Variants in DEPDC5 observed in about 807,000 individuals in gnomAD.
DEPDC5 encodes the protein GATOR1 complex protein DEPDC5.
Under a neutral mutation model 217.3 loss-of-function variants are expected in DEPDC5, and 73 were observed. The ratio of observed to expected loss-of-function variants is 0.34; its 90% CI spans 0.28 to 0.41. The LOEUF (loss-of-function observed/expected upper bound fraction) is 0.41. Among genes scored for constraint, DEPDC5 ranks in the 10% least tolerant of loss-of-function variants. The pLI, the probability that DEPDC5 is intolerant of heterozygous loss-of-function variation, is 1.00. For missense variants in DEPDC5, 1,675 were observed against 2,070.1 expected, an observed-to-expected ratio of 0.81 and a Z score of 3.70; for synonymous variants, 733 against 756.7, an observed-to-expected ratio of 0.97 and a Z score of 0.51.
intron 25 of DEPDC5, among the ~76,000 whole-genome samples, chr22:31,835,028 C>T (rs1015788752): frequency 6.6e-6 from 1 of 152,166 alleles, no homozygotes; most frequent in Non-Finnish European, 1.5e-5. Flanking sequence ...CATGGTGGCT[C>T]ATGCCAGTAA....
chr22:31,845,586 C>T (rs2091680647), intron 30 of DEPDC5, among the ~76,000 whole-genome samples: 1 of 152,138 alleles, frequency 6.6e-6, no homozygotes, highest in Non-Finnish European at 1.5e-5. Context: ...AGCAGCAGTC[C>T]TTCCTCACTC....
chr22:31,855,327 A>G (rs1208022159), intron 31 of DEPDC5, among the ~76,000 whole-genome samples: 1 of 151,776 alleles, frequency 6.6e-6, no homozygotes, highest in Non-Finnish European at 1.5e-5. Context: ...TCTTTTAGAG[A>G]TACTGAAATG....
intron 31 of DEPDC5, among the ~76,000 whole-genome samples, chr22:31,848,865 C>T (rs999985532): frequency 1.2e-4 from 19 of 152,116 alleles, no homozygotes; most frequent in East Asian, 1.9e-4. Context: ...AAATTTCTTC[C>T]GCCAGATACC....
At chr22:31,833,798 T>G in intron 24 of DEPDC5, 117 bp from the exon 25 acceptor site, 4 of 766,696 alleles carry the variant, frequency 5.2e-6, no homozygotes, top group Non-Finnish European at 8.3e-6. Flanking sequence ...AGCACAGAAT[T>G]TGCACTTGGT....
At chr22:31,756,365 A>G (rs1422905129) in intron 2 of DEPDC5, among the ~76,000 whole-genome samples, 7 of 152,188 alleles carry the variant, frequency 4.6e-5, no homozygotes, top group Non-Finnish European at 1.0e-4. Context: ...GTGCTCAATA[A>G]ATGTAGCCAT....
intron 38 of DEPDC5, among the ~76,000 whole-genome samples, chr22:31,880,414 T>C (rs1009284667): frequency 1.3e-5 from 2 of 152,182 alleles, no homozygotes; most frequent in African/African-American, 4.8e-5. Flanking sequence ...ATACCTGCTC[T>C]GGGCAAAGAC....
At chr22:31,843,544 A>T in intron 28 of DEPDC5, 101 bp from the exon 29 acceptor site, 1 of 1,395,990 alleles carries the variant, frequency 7.2e-7, no homozygotes. Context: ...TGAGGGGTAA[A>T]TGTCAAGGAT....
At chr22:31,762,348 T>C (rs1408184323) in intron 4 of DEPDC5, among the ~76,000 whole-genome samples, 2 of 152,268 alleles carry the variant, frequency 1.3e-5, no homozygotes, top group Non-Finnish European at 2.9e-5. Flanking sequence ...ATTCAAATCC[T>C]TTCTTTTTCC....
At chr22:31,859,932 C>G (rs2092451292) in intron 32 of DEPDC5, among the ~76,000 whole-genome samples, 1 of 152,226 alleles carries the variant, frequency 6.6e-6, no homozygotes, top group Admixed American at 6.5e-5. Flanking sequence ...AGAAGGGACA[C>G]AGTGGAACAA....
In DEPDC5 at chr22:31,814,979, T is replaced by C. The variant is rs765992258; in HGVS notation, c.1446-13T>C. On this transcript the variant is annotated splice_polypyrimidine_tract_variant and intron_variant, in intron 20 of 42. Transcript: ENST00000651528. ...CCTCGCTTGATGGTAACTTTTTGTC[T>C]CTTGCCTGGCAGATCTGTGCGAGAG... The C allele has an allele frequency of 6.2e-7, 1 of 1,613,854 alleles. No individual in the cohort carries two copies. The highest frequency in any genetic ancestry group is 1.7e-5 in the Admixed American group (1 of 60,016).
At chr22:31,885,724 CAAAA>C (rs1172720967) in intron 38 of DEPDC5, among the ~76,000 whole-genome samples, 2 of 62,262 alleles carry the variant, frequency 3.2e-5, no homozygotes. Context: ...GACTCCATCT[CAAAA>C]AAAAAAAAAA....
intron 33 of DEPDC5, among the ~76,000 whole-genome samples, chr22:31,861,977 G>A (rs1227266634): frequency 3.9e-5 from 6 of 152,198 alleles, no homozygotes; most frequent in East Asian, 1.9e-4. Context: ...GGTGGCTCAC[G>A]CCTGTAATCC....
chr22:31,859,079 G>GTTTTTTTTTTTTTTT (rs136864), intron 32 of DEPDC5: 1 of 67,018 alleles, frequency 1.5e-5, no homozygotes, highest in African/African-American at 5.9e-5. Flanking sequence ...CCATTCCTTT[G>GTTTTTTTTTTTTTTT]TTTTTTTTTT....
At chr22:31,811,430 C>T (rs1372951525) in intron 20 of DEPDC5, among the ~76,000 whole-genome samples, 1 of 152,192 alleles carries the variant, frequency 6.6e-6, no homozygotes, top group Non-Finnish European at 1.5e-5. Context: ...CTTCCTCTCA[C>T]TGGGCTGGCT....
chr22:31,819,668 C>T (rs947151517), intron 22 of DEPDC5, among the ~76,000 whole-genome samples: 19 of 151,898 alleles, frequency 1.3e-4, no homozygotes, highest in African/African-American at 4.6e-4. Flanking sequence ...CAGGGTTTCA[C>T]CATGTTGCCT....
intron 27 of DEPDC5, among the ~76,000 whole-genome samples, chr22:31,842,590 A>AG (rs992421797): frequency 6.6e-6 from 1 of 151,858 alleles, no homozygotes; most frequent in South Asian, 2.1e-4. Context: ...AAAAAAAAAA[A>AG]AAAAGAAACA....
intron 38 of DEPDC5, among the ~76,000 whole-genome samples, chr22:31,884,079 A>T (rs2093247598): frequency 6.6e-6 from 1 of 152,164 alleles, no homozygotes; most frequent in Non-Finnish European, 1.5e-5. Flanking sequence ...ACCTCATTAC[A>T]CAGCTTTGAG....
At chr22:31,784,177 A>T in intron 9 of DEPDC5, 192 bp downstream of exon 9, 1 of 454,562 alleles carries the variant, frequency 2.2e-6, no homozygotes, top group East Asian at 3.8e-5. Context: ...CAATAATCAA[A>T]TTTTTTTCAA....
At chr22:31,847,417 C>G (rs747890080) in intron 31 of DEPDC5, among the ~76,000 whole-genome samples, 2 of 151,314 alleles carry the variant, frequency 1.3e-5, no homozygotes, top group Non-Finnish European at 2.9e-5. Context: ...TAAAGACATA[C>G]CTGGGACTGA....
Sources: allele counts gnomAD v4.1 joint callset (sites outside exome capture counted in the v4.1 genomes callset), GRCh38; gene constraint gnomAD v4.1.1; transcripts MANE v1.5; gene names NCBI Gene and HGNC (gene_info 2026-07-23, HGNC 2026-07-21).